Variants in GRIK4 observed in about 807,000 individuals in gnomAD.
GRIK4 encodes the protein glutamate ionotropic receptor kainate type subunit 4.
Under a neutral mutation model 104.9 loss-of-function variants are expected in GRIK4, and 40 were observed. The observed-to-expected ratio is 0.38, with a 90% CI of 0.30 to 0.50. GRIK4 has a LOEUF of 0.50. GRIK4 is among the 20% of genes least tolerant of loss of function. The probability of loss-of-function intolerance (pLI) is 0.93; values close to 1 mark genes in which losing one functional copy is unlikely to be tolerated. For missense variants in GRIK4, 1,047 were observed against 1,308.1 expected, an observed-to-expected ratio of 0.80 and a Z score of 3.08; for synonymous variants, 485 against 524.9, an observed-to-expected ratio of 0.92 and a Z score of 1.04.
At chr11:120,650,963 G>A (rs1369802348) in intron 1 of GRIK4, among the ~76,000 whole-genome samples, 3 of 152,176 alleles carry the variant, frequency 2.0e-5, no homozygotes, top group African/African-American at 7.2e-5. Flanking sequence ...AGCCCCAAGA[G>A]GTTATGTGAT....
chr11:120,680,844 A>AT (rs1950181721), intron 3 of GRIK4, among the ~76,000 whole-genome samples: 1 of 152,192 alleles, frequency 6.6e-6, no homozygotes, highest in Non-Finnish European at 1.5e-5. Context: ...CCAAAGTAGG[A>AT]TTTCAGGGTC....
Position 120,967,100 on chromosome 11 carries a change from C to A in GRIK4, c.2267-95C>A. ...TGTCCCCTCTCGAGGTGAAAGCAGG[C>A]AGGGTGGCCAGGAGGTGTGCCGGGA... On this transcript the variant is annotated intron_variant, in intron 18 of 20. Transcript: ENST00000527524. This position sits in a 1 kb window ranked among gnomAD's most constrained non-coding sequence, Gnocchi z 4.2. The A allele has an allele frequency of 7.2e-7, 1 of 1,383,364 alleles. No individual in the cohort carries two copies. Among genetic ancestry groups the A allele is most frequent in the Non-Finnish European group, 9.9e-7 (1 of 1,006,336 alleles). The allele number at this position is 1,383,364 out of a possible 1,614,324, so 85.7% of individuals were successfully genotyped here.
chr11:120,633,366 C>T (rs1949354791), intron 1 of GRIK4, among the ~76,000 whole-genome samples: 1 of 152,278 alleles, frequency 6.6e-6, no homozygotes, highest in Admixed American at 6.5e-5. Context: ...AGAGCCATTT[C>T]CTGGGATAAA....
In GRIK4 at chr11:120,952,274, G is replaced by A. The variant is rs369658420; in HGVS notation, c.1591-581G>A. On this transcript the variant is annotated intron_variant, in intron 14 of 20. Coordinates refer to ENST00000527524, the MANE Select transcript of GRIK4 (RefSeq NM_014619.5). This position sits in a 1 kb window ranked among gnomAD's most constrained non-coding sequence, Gnocchi z 5.2. ...TTCCATTTACGCACTGTGGAACCTC[G>A]GGCACATCTCTGACTGCCCTCGGCT... 6.0e-4 allele frequency among the ~76,000 whole-genome samples: 91 copies of A among 152,186 alleles called. No homozygotes were observed. The highest frequency in any genetic ancestry group is 2.5e-3 in the East Asian group (13 of 5,178).
At chr11:120,898,112 C>T (rs556711319) in intron 11 of GRIK4, among the ~76,000 whole-genome samples, 32 of 152,166 alleles carry the variant, frequency 2.1e-4, no homozygotes, top group Admixed American at 4.6e-4. Context: ...GGGCATAGTT[C>T]TCTCCAGTAT....
At chr11:120,708,985 A>G (rs968986847) in intron 3 of GRIK4, among the ~76,000 whole-genome samples, 14 of 152,140 alleles carry the variant, frequency 9.2e-5, no homozygotes, top group Non-Finnish European at 1.6e-4. Context: ...GGAGACATTT[A>G]TAAAACCCAA....
At chr11:120,645,159 AT>A (rs1949526512) in intron 1 of GRIK4, among the ~76,000 whole-genome samples, 1 of 151,630 alleles carries the variant, frequency 6.6e-6, no homozygotes, top group South Asian at 2.1e-4. Flanking sequence ...ATGTGTATGT[AT>A]GGTGGTTGTG....
chr11:120,850,410 C>T (rs1312707512), intron 8 of GRIK4, among the ~76,000 whole-genome samples: 1 of 152,174 alleles, frequency 6.6e-6, no homozygotes, highest in Non-Finnish European at 1.5e-5. Flanking sequence ...TTCCTTTCTC[C>T]TCTACCATCT....
intron 1 of GRIK4, among the ~76,000 whole-genome samples, chr11:120,608,464 G>A (rs1389119578): frequency 6.6e-6 from 1 of 152,228 alleles, no homozygotes; most frequent in African/African-American, 2.4e-5. Context: ...GTGTGTGTGT[G>A]CACGCATGTG....
intron 3 of GRIK4, among the ~76,000 whole-genome samples, chr11:120,698,790 T>G (rs1260963719): frequency 6.6e-6 from 1 of 152,162 alleles, no homozygotes; most frequent in African/African-American, 2.4e-5. Flanking sequence ...TTTGTTTGGC[T>G]CCACCACCCA....
rs1944742967 is a variant in GRIK4, at chr11:120,986,094, C to T, written c.2705C>T (p.Ala902Val). Reference sequence around the variant, plus strand: ...GGGGCAGGGGAGCCCGACCAGCTCGCGCAGAGACTGGCGCAGGAGGCCGCC... The same window carrying T: ...GGGGCAGGGGAGCCCGACCAGCTCGTGCAGAGACTGGCGCAGGAGGCCGCC... The part of the protein sequence containing the change: ...LCGAGEPDQL[A>V]QRLAQEAALV... The change falls in exon 21 of 21, where the codon GCG (alanine) becomes GTG (valine). Residue 902 changes from alanine to valine, a missense_variant. Ala to Val is a moderately conservative substitution (Grantham distance 64). This residue lies in a region of GRIK4 where 160 missense variants were observed against 140.9 expected (regional missense o/e 1.14). Transcript: ENST00000527524. 1.3e-6 allele frequency: 2 copies of T among 1,512,256 alleles called. No homozygotes were observed. The highest frequency in any genetic ancestry group is 1.8e-6 in the Non-Finnish European group (2 of 1,136,950). The allele number at this position is 1,512,256 out of a possible 1,614,324, so 93.7% of individuals were successfully genotyped here. A position where few individuals can be genotyped will look rare whatever the true frequency, so the allele number is the denominator to read the frequency against.
At chr11:120,762,377 T>C (rs1006770840) in intron 3 of GRIK4, among the ~76,000 whole-genome samples, 3 of 152,238 alleles carry the variant, frequency 2.0e-5, no homozygotes, top group Non-Finnish European at 4.4e-5. Flanking sequence ...CACAATCATG[T>C]CATCTGCAAA....
intron 3 of GRIK4, among the ~76,000 whole-genome samples, chr11:120,682,894 A>G (rs913318901): frequency 6.6e-6 from 1 of 151,948 alleles, no homozygotes; most frequent in Admixed American, 6.6e-5. Flanking sequence ...CTACACTTAG[A>G]AGGCTTTTGT....
At chr11:120,602,139 T>C (rs1009708015) in intron 1 of GRIK4, among the ~76,000 whole-genome samples, 1 of 152,156 alleles carries the variant, frequency 6.6e-6, no homozygotes, top group African/African-American at 2.4e-5. Flanking sequence ...CCTTACAGTA[T>C]AGTTCAGGAA....
At chr11:120,947,389 G>GAAAAA in intron 14 of GRIK4, among the ~76,000 whole-genome samples, 1 of 141,326 alleles carries the variant, frequency 7.1e-6, no homozygotes, top group African/African-American at 2.6e-5. Context: ...GCAACAGAGT[G>GAAAAA]AGACTCTGTC....
intron 12 of GRIK4, among the ~76,000 whole-genome samples, chr11:120,900,467 A>G (rs150618270): frequency 5.1e-4 from 78 of 152,274 alleles, no homozygotes; most frequent in African/African-American, 1.7e-3. Flanking sequence ...GCATCCATGA[A>G]CCAAAAAGAC....
At chr11:120,589,748 G>A (rs547623919) in intron 1 of GRIK4, among the ~76,000 whole-genome samples, 2 of 152,046 alleles carry the variant, frequency 1.3e-5, no homozygotes, top group African/African-American at 4.8e-5. Flanking sequence ...CACAATTCCC[G>A]GCCTCAACAG....
At chr11:120,742,058 C>T (rs1420657168) in intron 3 of GRIK4, among the ~76,000 whole-genome samples, 2 of 151,982 alleles carry the variant, frequency 1.3e-5, no homozygotes, top group Admixed American at 1.3e-4. Context: ...GAAAAACAAC[C>T]CCATAGTCCG....
chr11:120,932,282 T>C (rs890518837), intron 13 of GRIK4, among the ~76,000 whole-genome samples: 2 of 151,994 alleles, frequency 1.3e-5, no homozygotes, highest in African/African-American at 2.4e-5. Flanking sequence ...GCACACTGCC[T>C]GGTGCAGGGC....
Sources: allele counts gnomAD v4.1 joint callset (sites outside exome capture counted in the v4.1 genomes callset), GRCh38; gene constraint gnomAD v4.1.1; regional missense constraint gnomAD v4.1.1; non-coding constraint Gnocchi (gnomAD v3.1); transcripts MANE v1.5; gene names NCBI Gene and HGNC (gene_info 2026-07-23, HGNC 2026-07-21).